TBCE: variants seen among roughly 807,000 people sequenced by gnomAD.
TBCE encodes the protein tubulin-specific chaperone E.
Under a neutral mutation model 77.0 loss-of-function variants are expected in TBCE, and 53 were observed. That is an observed-to-expected ratio of 0.69 (90% CI 0.55 to 0.87). The LOEUF is 0.87. TBCE is among the 40% of genes least tolerant of loss of function. The pLI, the probability that TBCE is intolerant of heterozygous loss-of-function variation, is 0.00. For synonymous variants in TBCE, 235 were observed against 241.3 expected (o/e 0.97, Z 0.24); for missense variants, 624 against 622.4 (o/e 1.00, Z -0.03).
chr1:235,415,990 A>G (rs1680086145), intron 4 of TBCE: 1 of 152,094 alleles, frequency 6.6e-6, no homozygotes, highest in African/African-American at 2.4e-5. Context: ...CAACATGGTG[A>G]AACCCTGTCT....
chr1:235,418,720 C>T (rs186343376), intron 4 of TBCE, among the ~76,000 whole-genome samples: 5 of 152,218 alleles, frequency 3.3e-5, no homozygotes, highest in East Asian at 1.9e-4. Context: ...CATGTGTCAC[C>T]GTAGTGAAAT....
chr1:235,386,555 T>G (rs1348035203), intron 2 of TBCE, among the ~76,000 whole-genome samples: 1 of 152,190 alleles, frequency 6.6e-6, no homozygotes, highest in African/African-American at 2.4e-5. Context: ...CATTTCATCT[T>G]CCATCACTGA....
chr1:235,426,370 T>C (rs1680715592), intron 5 of TBCE, among the ~76,000 whole-genome samples: 1 of 152,192 alleles, frequency 6.6e-6, no homozygotes, highest in African/African-American at 2.4e-5. Context: ...AGTCATGCGC[T>C]TTTGCACATG....
chr1:235,386,378 A>G (rs1466709197), intron 2 of TBCE, among the ~76,000 whole-genome samples: 1 of 152,146 alleles, frequency 6.6e-6, no homozygotes, highest in Non-Finnish European at 1.5e-5. Flanking sequence ...CTCCTGGATA[A>G]TATCCTGCAG....
chr1:235,435,956 A>C, intron 9 of TBCE, 116 bp downstream of exon 9: 1 of 959,404 alleles, frequency 1.0e-6, no homozygotes, highest in Non-Finnish European at 1.6e-6. Context: ...TGGAATTTCT[A>C]AATTGAGTAA....
intron 13 of TBCE, among the ~76,000 whole-genome samples, chr1:235,440,394 A>G (rs1230871048): frequency 6.6e-6 from 1 of 151,628 alleles, no homozygotes; most frequent in East Asian, 2.0e-4. Flanking sequence ...GCATCCGTAT[A>G]TATATATATT....
chr1:235,442,833 T>A lies in TBCE; in HGVS notation c.1340-19T>A, dbSNP rs1345668612. 1 of 1,612,772 alleles carries A rather than the reference T, an allele frequency of 6.2e-7. No individual in the cohort carries two copies. The highest frequency in any genetic ancestry group is 8.5e-7 in the Non-Finnish European group (1 of 1,178,998). ...TAATAGTAGATATCAATTAGTCTTT[T>A]TCTTTGTTTCTCTTAAAGCACTGAA... On this transcript the variant is annotated intron_variant, in intron 14 of 16. Transcript: ENST00000642610.
At position 235,435,834 on chromosome 1, in the gene TBCE, T is replaced by C; in HGVS notation, c.827T>C (p.Leu276Pro). 1 of 1,614,080 alleles carries C rather than the reference T, an allele frequency of 6.2e-7. No individual in the cohort carries two copies. Among genetic ancestry groups the C allele is most frequent in the Non-Finnish European group, 8.5e-7 (1 of 1,179,918 alleles). ...DENQLYLIAH[L>P]PRLEQLILSD... ...AATCAGCTGTATCTGATAGCCCACCTGCCCAGGTAATTTGCCCCTAAATGC... is the reference window on the plus strand; with the variant it reads ...AATCAGCTGTATCTGATAGCCCACCCGCCCAGGTAATTTGCCCCTAAATGC... Residue 276 changes from leucine (L) to proline (P), a missense_variant, in exon 9 of 17, where the codon CTG becomes CCG. Transcript: ENST00000642610.
chr1:235,420,274 T>C (rs16832594), intron 5 of TBCE, among the ~76,000 whole-genome samples: 10,182 of 151,566 alleles, frequency 0.067, 643 homozygotes, highest in African/African-American at 0.17. Flanking sequence ...ACTGGGAACC[T>C]AAGATGAATC....
chr1:235,421,378 G>C (rs1474678509), intron 5 of TBCE, among the ~76,000 whole-genome samples: 2 of 152,126 alleles, frequency 1.3e-5, no homozygotes, highest in Non-Finnish European at 2.9e-5. Context: ...TCATGCCACT[G>C]TACTTCAGCC....
At chr1:235,438,674 G>T (rs1014779913) in intron 12 of TBCE, 95 bp from the exon 13 acceptor site, 3 of 1,411,028 alleles carry the variant, frequency 2.1e-6, no homozygotes, top group Admixed American at 1.8e-5. Context: ...ATTATTTTCT[G>T]CATGTGCTAT....
intron 2 of TBCE, among the ~76,000 whole-genome samples, chr1:235,396,410 A>G (rs1001415457): frequency 6.6e-6 from 1 of 152,168 alleles, no homozygotes; most frequent in Non-Finnish European, 1.5e-5. Context: ...ACTTAGGTTG[A>G]TTCCAAACCT....
At chr1:235,443,401 C>T (rs1027625741) in intron 15 of TBCE, among the ~76,000 whole-genome samples, 18 of 152,058 alleles carry the variant, frequency 1.2e-4, no homozygotes, top group Admixed American at 3.9e-4. Context: ...GGGTTTTCGC[C>T]ATGTTGCCCA....
chr1:235,388,109 C>T (rs920152498), intron 2 of TBCE, among the ~76,000 whole-genome samples: 1 of 152,106 alleles, frequency 6.6e-6, no homozygotes, highest in South Asian at 2.1e-4. Context: ...GTACCAGACA[C>T]TTGAAAGCAT....
At chr1:235,439,133 C>T in intron 13 of TBCE, 1 of 637,626 alleles carries the variant, frequency 1.6e-6, no homozygotes, top group South Asian at 1.9e-5. Context: ...ACCTGGGAGA[C>T]TGTTTATGTT....
Position 235,401,615 on chromosome 1 carries a change from T to G in TBCE, c.185+28T>G, listed in dbSNP as rs749047301. ...AACTTTTCATTATGAATCAGCACGG[T>G]CATTTAGTCAAGATTATATTTAATA... On this transcript the variant is annotated intron_variant, in intron 3 of 16. Coordinates refer to ENST00000642610, the MANE Select transcript of TBCE (RefSeq NM_003193.5). 4.5e-6 allele frequency: 7 copies of G among 1,559,946 alleles called. No homozygotes were observed. In the Admixed American group the frequency reaches 1.2e-4, roughly 26 times the overall value.
At chr1:235,397,206 T>A (rs2102848932) in intron 2 of TBCE, among the ~76,000 whole-genome samples, 1 of 148,364 alleles carries the variant, frequency 6.7e-6, no homozygotes, top group African/African-American at 2.5e-5. Context: ...ATCTCTTTTT[T>A]TTTTTTTTTT....
intron 2 of TBCE, among the ~76,000 whole-genome samples, chr1:235,392,287 T>C (rs111628954): frequency 9.2e-5 from 14 of 152,106 alleles, no homozygotes; most frequent in African/African-American, 3.4e-4. Flanking sequence ...CCCAGGAAGT[T>C]GAGCCTGCAG....
intron 4 of TBCE, among the ~76,000 whole-genome samples, chr1:235,416,404 T>TA (rs1410327517): frequency 6.6e-6 from 1 of 151,998 alleles, no homozygotes; most frequent in East Asian, 1.9e-4. Context: ...TGCGTGCCTA[T>TA]AGTCCCAACT....
Sources: allele counts gnomAD v4.1 joint callset (sites outside exome capture counted in the v4.1 genomes callset), GRCh38; gene constraint gnomAD v4.1.1; transcripts MANE v1.5; gene names NCBI Gene and HGNC (gene_info 2026-07-23, HGNC 2026-07-21).